ABCC1: variants seen among roughly 807,000 people sequenced by gnomAD.
ABCC1 encodes ATP binding cassette subfamily C member 1 (ABCC1 blood group), also known as multidrug resistance-associated protein 1.
ABCC1 carries 83 observed loss-of-function variants against 172.9 expected under a neutral mutation model. That is an observed-to-expected ratio of 0.48 (90% CI 0.40 to 0.58). The LOEUF is 0.58. Ranked by LOEUF, ABCC1 falls within the 20% of genes least tolerant of loss-of-function variation. The probability of loss-of-function intolerance (pLI) is 0.00; values close to 1 mark genes in which losing one functional copy is unlikely to be tolerated. For synonymous variants in ABCC1, 937 were observed against 825.2 expected (o/e 1.14, Z -2.32); for missense variants, 1,817 against 2,002.7 (o/e 0.91, Z 1.77).
chr16:16,055,874 G>A (rs750319162), intron 11 of ABCC1, among the ~76,000 whole-genome samples: 27 of 151,522 alleles, frequency 1.8e-4, no homozygotes, highest in Non-Finnish European at 3.5e-4. Context: ...GGCCCAGTGC[G>A]GTGGCTCACA....
chr16:16,067,801 T>C (rs2050168951), intron 12 of ABCC1, among the ~76,000 whole-genome samples: 1 of 151,920 alleles, frequency 6.6e-6, no homozygotes, highest in African/African-American at 2.4e-5. Context: ...GCCCCCTGGA[T>C]GGAAGATGGT....
chr16:16,114,821 C>T lies in ABCC1; in HGVS notation c.3135C>T (p.Ser1045=), dbSNP rs375642878. ...TGTCCATCGGGGGGATCTTGGCTTC[C>T]CGCTGTCTGCACGTGGACCTGCTGC... ...MAVSIGGILA[S]RCLHVDLLHS... is the part of the protein sequence containing the mutation. Residue 1045 remains serine, a synonymous_variant, in exon 23 of 31, where the codon TCC becomes TCT. Coordinates refer to ENST00000399410, the MANE Select transcript of ABCC1 (RefSeq NM_004996.4). 6.2e-6 allele frequency: 10 copies of T among 1,610,098 alleles called. No homozygotes were observed. Among genetic ancestry groups the T allele is most frequent in the African/African-American group, 5.3e-5 (4 of 74,846 alleles).
At chr16:16,018,442 G>A (rs2048081324) in intron 5 of ABCC1, among the ~76,000 whole-genome samples, 1 of 152,052 alleles carries the variant, frequency 6.6e-6, no homozygotes, top group Admixed American at 6.6e-5. Flanking sequence ...CCAGCTAGTC[G>A]GGAGGCTGAG....
chr16:15,987,035 T>C (rs762330241), intron 1 of ABCC1, among the ~76,000 whole-genome samples: 2 of 152,062 alleles, frequency 1.3e-5, no homozygotes, highest in Non-Finnish European at 2.9e-5. Flanking sequence ...TGTGATAGTG[T>C]GTGTCTGTAG....
chr16:16,140,141 C>T (rs1034607700), intron 30 of ABCC1, among the ~76,000 whole-genome samples: 2 of 152,108 alleles, frequency 1.3e-5, no homozygotes, highest in African/African-American at 4.8e-5. Flanking sequence ...AAAATGAATG[C>T]GCTTAATGAA....
chr16:16,058,711 C>T (rs1005886401), intron 12 of ABCC1, among the ~76,000 whole-genome samples: 40 of 152,170 alleles, frequency 2.6e-4, no homozygotes, highest in African/African-American at 2.2e-4. Context: ...ATTGCTATGG[C>T]ACTATCTTGG....
chr16:16,040,064 TTGTATGTATGTATGTATGTA>T (rs10543561), intron 7 of ABCC1, among the ~76,000 whole-genome samples: 20 of 134,780 alleles, frequency 1.5e-4, no homozygotes, highest in African/African-American at 3.0e-4. Flanking sequence ...GTTTGTTTGT[TTGTATGTATGTATGTATGTA>T]TGTATGTATG....
Position 16,141,527 on chromosome 16 carries a change from G to C in ABCC1, c.*246G>C, listed in dbSNP as rs1169721092. ...AAAACACGCACACCCTGCCCCTGGT[G>C]CCCTGAGACAGACACACAGCCTCAC... On this transcript the variant is annotated 3_prime_UTR_variant, in exon 31 of 31. Coordinates refer to ENST00000399410, the MANE Select transcript of ABCC1 (RefSeq NM_004996.4). 4 of 499,904 alleles carry C rather than the reference G, an allele frequency of 8.0e-6. No individual in the cohort carries two copies. In the Admixed American group the frequency reaches 1.4e-4, roughly 18 times the overall value. 31.0% of individuals were successfully genotyped at this position (499,904 alleles called of 1,614,324 possible). A position where few individuals can be genotyped will look rare whatever the true frequency, so the allele number is the denominator to read the frequency against.
intron 6 of ABCC1, among the ~76,000 whole-genome samples, 185 bp downstream of exon 6, chr16:16,033,355 G>A (rs1270040794): frequency 3.9e-5 from 6 of 152,178 alleles, no homozygotes; most frequent in Non-Finnish European, 7.3e-5. Context: ...CGGCAGTTCC[G>A]TGAACTTGAA....
chr16:16,101,354 G>A (rs1567404051), intron 19 of ABCC1, among the ~76,000 whole-genome samples: 1 of 152,062 alleles, frequency 6.6e-6, no homozygotes, highest in Admixed American at 6.6e-5. Flanking sequence ...CATTTATAAA[G>A]CCCCCCGTGA....
intron 9 of ABCC1, among the ~76,000 whole-genome samples, chr16:16,047,664 T>G (rs2049268370): frequency 6.6e-6 from 1 of 152,064 alleles, no homozygotes; most frequent in Non-Finnish European, 1.5e-5. Context: ...AAGAATTATC[T>G]GGCTCCAGAT....
At chr16:16,107,785 T>G (rs952376182) in intron 21 of ABCC1, among the ~76,000 whole-genome samples, 4 of 152,054 alleles carry the variant, frequency 2.6e-5, no homozygotes, top group Admixed American at 1.3e-4. Context: ...ATGGTGGTGA[T>G]CCAAAGTTTA....
chr16:16,076,269 T>G, intron 14 of ABCC1, 57 bp from the exon 15 acceptor site: 1 of 1,532,622 alleles, frequency 6.5e-7, no homozygotes, highest in Non-Finnish European at 9.0e-7. Context: ...GAGAGTGTTC[T>G]GTGCATGTGG....
At chr16:16,087,244 T>C (rs1481270185) in intron 18 of ABCC1, among the ~76,000 whole-genome samples, 1 of 152,190 alleles carries the variant, frequency 6.6e-6, no homozygotes, top group Non-Finnish European at 1.5e-5. Flanking sequence ...CCTCTCTTCC[T>C]GATTAAGTCA....
chr16:15,961,552 A>T (rs943230604), intron 1 of ABCC1, among the ~76,000 whole-genome samples: 2 of 152,122 alleles, frequency 1.3e-5, no homozygotes, highest in South Asian at 4.1e-4. Context: ...GTTGTTGATG[A>T]TAGTTTCTTG....
chr16:16,038,137 A>G (rs2048827626), intron 7 of ABCC1, among the ~76,000 whole-genome samples: 1 of 152,040 alleles, frequency 6.6e-6, no homozygotes, highest in South Asian at 2.1e-4. Context: ...GGATGTATAC[A>G]TGGTAGGTAG....
intron 1 of ABCC1, among the ~76,000 whole-genome samples, chr16:15,987,116 G>T (rs912376117): frequency 5.3e-5 from 8 of 152,314 alleles, no homozygotes; most frequent in African/African-American, 1.9e-4. Context: ...AGTGAGCTGA[G>T]ATCATGGCAC....
chr16:16,139,460 A>G (rs890866380), intron 30 of ABCC1, among the ~76,000 whole-genome samples: 3 of 151,698 alleles, frequency 2.0e-5, no homozygotes, highest in African/African-American at 7.3e-5. Context: ...AAAAATACAA[A>G]AAGTAGCCAA....
intron 19 of ABCC1, chr16:16,094,210 G>A (rs2051371925): frequency 1.1e-5 from 3 of 276,260 alleles, no homozygotes; most frequent in Admixed American, 7.6e-5. Context: ...CTGTAGGTCC[G>A]GCGACGCAAC....
Sources: allele counts gnomAD v4.1 joint callset (sites outside exome capture counted in the v4.1 genomes callset), GRCh38; gene constraint gnomAD v4.1.1; transcripts MANE v1.5; gene names NCBI Gene and HGNC (gene_info 2026-07-23, HGNC 2026-07-21).